The following CNTNAP2 variants were observed in gnomAD, a reference collection of about 807,000 sequenced individuals.
CNTNAP2 encodes contactin associated protein 2.
CNTNAP2 carries 98 observed loss-of-function variants against 155.2 expected under a neutral mutation model. That is an observed-to-expected ratio of 0.63 (90% CI 0.54 to 0.75). The LOEUF (loss-of-function observed/expected upper bound fraction) is 0.75. CNTNAP2 is among the 30% of genes least tolerant of loss of function. The pLI is 0.00. For synonymous variants in CNTNAP2, 651 were observed against 631.2 expected (o/e 1.03, Z -0.47); for missense variants, 1,727 against 1,688.1 (o/e 1.02, Z -0.40).
chr7:146,636,898 A>G (rs375581671), intron 1 of CNTNAP2, among the ~76,000 whole-genome samples: 3 of 152,344 alleles, frequency 2.0e-5, no homozygotes, highest in East Asian at 3.9e-4. Flanking sequence ...CCAAACATAT[A>G]TAAAACTGAA....
chr7:148,178,044 T>C (rs1380312583), intron 18 of CNTNAP2, among the ~76,000 whole-genome samples: 1 of 152,142 alleles, frequency 6.6e-6, no homozygotes, highest in African/African-American at 2.4e-5. Context: ...ATTTTAATGG[T>C]TTACAGATAC....
chr7:146,438,451 G>A (rs1796274714), intron 1 of CNTNAP2, among the ~76,000 whole-genome samples: 1 of 151,444 alleles, frequency 6.6e-6, no homozygotes, highest in African/African-American at 2.5e-5. Flanking sequence ...CTGGATAAGA[G>A]AGTAAGTCTA....
chr7:147,277,285 G>A (rs1018496658), intron 8 of CNTNAP2, among the ~76,000 whole-genome samples: 5 of 151,864 alleles, frequency 3.3e-5, no homozygotes, highest in South Asian at 2.1e-4. Context: ...CTCCATTTAC[G>A]TAGTCATAGC....
intron 21 of CNTNAP2, among the ~76,000 whole-genome samples, chr7:148,283,308 G>GAAAGA (rs1563024795): frequency 0.045 from 2,768 of 61,944 alleles, 138 homozygotes; most frequent in Non-Finnish European, 0.054. Flanking sequence ...AGAAAGAAAG[G>GAAAGA]AAGGAAGGAA....
intron 13 of CNTNAP2, among the ~76,000 whole-genome samples, chr7:147,646,926 A>G (rs934611875): frequency 6.6e-6 from 1 of 151,878 alleles, no homozygotes; most frequent in Non-Finnish European, 1.5e-5. Context: ...AGAACGCAGA[A>G]GAAAAGAAAA....
chr7:147,908,539 T>C (rs1430783587), intron 14 of CNTNAP2, among the ~76,000 whole-genome samples: 1 of 152,210 alleles, frequency 6.6e-6, no homozygotes, highest in Non-Finnish European at 1.5e-5. Context: ...TGAAGCTGAC[T>C]TTGGGTGTAG....
At chr7:148,258,045 T>C (rs1018504719) in intron 20 of CNTNAP2, among the ~76,000 whole-genome samples, 1 of 152,190 alleles carries the variant, frequency 6.6e-6, no homozygotes, top group African/African-American at 2.4e-5. Flanking sequence ...ACAGGCCCTT[T>C]TCATGTGGAT....
intron 3 of CNTNAP2, among the ~76,000 whole-genome samples, chr7:146,916,421 C>T (rs1198710004): frequency 6.6e-6 from 1 of 152,062 alleles, no homozygotes; most frequent in Non-Finnish European, 1.5e-5. Context: ...CTTTAAATGT[C>T]TGATTGAATT....
intron 15 of CNTNAP2, among the ~76,000 whole-genome samples, chr7:148,063,117 G>A (rs773173985): frequency 5.3e-5 from 8 of 151,984 alleles, no homozygotes; most frequent in Non-Finnish European, 8.8e-5. Context: ...ACTGGGTATC[G>A]AGTTCTAGGT....
At chr7:146,347,138 TA>T (rs59530824) in intron 1 of CNTNAP2, among the ~76,000 whole-genome samples, 17,401 of 93,812 alleles carry the variant, frequency 0.19, 961 homozygotes, top group Non-Finnish European at 0.22. Flanking sequence ...CCATACTCTG[TA>T]AAAAAAAAAA....
At chr7:146,976,819 C>T (rs1489776536) in intron 3 of CNTNAP2, among the ~76,000 whole-genome samples, 2 of 152,178 alleles carry the variant, frequency 1.3e-5, no homozygotes, top group Non-Finnish European at 2.9e-5. Flanking sequence ...CCTGTCTGTT[C>T]TGTCTGCTCT....
At chr7:147,643,716 G>A (rs1014202360) in intron 13 of CNTNAP2, among the ~76,000 whole-genome samples, 1 of 152,184 alleles carries the variant, frequency 6.6e-6, no homozygotes, top group Non-Finnish European at 1.5e-5. Context: ...AAATGAGTTT[G>A]TAATAGCTTT....
chr7:146,295,656 A>T (rs1800502919), intron 1 of CNTNAP2, among the ~76,000 whole-genome samples: 1 of 152,164 alleles, frequency 6.6e-6, no homozygotes, highest in Non-Finnish European at 1.5e-5. Flanking sequence ...AAGGACAATA[A>T]CATTTTGCCT....
intron 4 of CNTNAP2, among the ~76,000 whole-genome samples, chr7:147,057,482 T>C (rs781390470): frequency 4.6e-5 from 7 of 152,222 alleles, no homozygotes; most frequent in Non-Finnish European, 1.0e-4. Context: ...GTTTTGTCAG[T>C]AGGGATTAAA....
intron 1 of CNTNAP2, among the ~76,000 whole-genome samples, chr7:146,140,355 A>G (rs1315703103): frequency 1.3e-5 from 2 of 152,038 alleles, no homozygotes; most frequent in African/African-American, 4.8e-5. Flanking sequence ...ATGCACACTG[A>G]TGCCATCCTC....
At chr7:147,334,655 C>G (rs826795) in intron 9 of CNTNAP2, among the ~76,000 whole-genome samples, 119,739 of 152,096 alleles carry the variant, frequency 0.79, 47,723 homozygotes, top group African/African-American at 0.92. Flanking sequence ...TAGCAGAGCA[C>G]GGAAGCTGAG....
intron 13 of CNTNAP2, among the ~76,000 whole-genome samples, chr7:147,674,515 G>T (rs540356859): frequency 6.6e-6 from 1 of 152,140 alleles, no homozygotes; most frequent in Admixed American, 6.5e-5. Flanking sequence ...AAAAATGAGC[G>T]TATAAAAATA....
chr7:146,213,942 T>C (rs1799075895), intron 1 of CNTNAP2, among the ~76,000 whole-genome samples: 1 of 152,184 alleles, frequency 6.6e-6, no homozygotes, highest in Non-Finnish European at 1.5e-5. Flanking sequence ...TAGATTAAAT[T>C]TCCTTTTTAA....
At chr7:146,168,537 A>G (rs1479168781) in intron 1 of CNTNAP2, among the ~76,000 whole-genome samples, 1 of 152,124 alleles carries the variant, frequency 6.6e-6, no homozygotes, top group African/African-American at 2.4e-5. Context: ...TCTCTACCAC[A>G]GATTGTAGCC....
Sources: allele counts gnomAD v4.1 joint callset (sites outside exome capture counted in the v4.1 genomes callset), GRCh38; gene constraint gnomAD v4.1.1; transcripts MANE v1.5; gene names NCBI Gene and HGNC (gene_info 2026-07-23, HGNC 2026-07-21).